The following TEF variants were observed in gnomAD, a reference collection of about 807,000 sequenced individuals.
TEF encodes thyrotroph embryonic factor.
A neutral mutation model predicts 20.8 loss-of-function variants in TEF; 3 were observed. The ratio of observed to expected loss-of-function variants is 0.14; its 90% CI spans 0.07 to 0.37. The LOEUF is 0.37. TEF is among the 10% of genes least tolerant of loss of function. TEF has a pLI of 1.00. For missense variants in TEF, 296 were observed against 397.9 expected (o/e 0.74, Z 2.18); for synonymous variants, 180 against 171.1 (o/e 1.05, Z -0.41).
chr22:41,380,060 A>G (rs1431353833), upstream of TEF, among the ~76,000 whole-genome samples: 2 of 152,086 alleles, frequency 1.3e-5, no homozygotes, highest in African/African-American at 4.8e-5. Flanking sequence ...TCCTGTCTCT[A>G]CCACCACCCA....
chr22:41,382,193 C>G lies in TEF; in HGVS notation c.149C>G (p.Ala50Gly). 1 of 1,169,644 alleles carries G rather than the reference C, an allele frequency of 8.5e-7. No individual in the cohort carries two copies. Among genetic ancestry groups the G allele is most frequent in the African/African-American group, 1.6e-5 (1 of 60,822 alleles). 72.5% of individuals were successfully genotyped at this position (1,169,644 alleles called of 1,614,324 possible). ...CTGATGGAGAACCCCCCGCGCGAGG[C>G]GCGCCTCGGTGAGGGCGGGGGGGTG... Reference protein sequence around the residue: ...KKLMENPPREARLDKEKGKEK... With the variant: ...KKLMENPPREGRLDKEKGKEK... The change falls in exon 1 of 4, where the codon GCG becomes GGG. Residue 50 changes from alanine to glycine, a missense_variant. Ala to Gly is a moderately conservative substitution (Grantham distance 60). Coordinates refer to ENST00000266304, the MANE Select transcript of TEF (RefSeq NM_003216.4).
Position 41,395,781 on chromosome 22 carries a change from G to A in TEF, c.733G>A (p.Val245Met), listed in dbSNP as rs374094544. The A allele has an allele frequency of 1.8e-5, 29 of 1,614,020 alleles. No individual in the cohort carries two copies. Among genetic ancestry groups the A allele is most frequent in the East Asian group, 6.7e-5 (3 of 44,898 alleles). Residue 245 changes from valine (V) to methionine (M), a missense_variant, in exon 4 of 4, where the codon GTG becomes ATG. Val to Met is a conservative substitution (Grantham distance 21, BLOSUM62 1). Coordinates refer to ENST00000266304, the MANE Select transcript of TEF (RefSeq NM_003216.4). ...KYWTRRKKNNVAAKRSRDARR... is the reference protein window; with the variant it reads ...KYWTRRKKNNMAAKRSRDARR... Reference sequence around the variant, plus strand: ...CTGGACAAGACGCAAGAAGAACAACGTGGCAGCTAAACGGTCACGGGATGC... The same window carrying A: ...CTGGACAAGACGCAAGAAGAACAACATGGCAGCTAAACGGTCACGGGATGC...
intron 1 of TEF, chr22:41,369,837 G>C: frequency 1.1e-6 from 1 of 939,508 alleles, no homozygotes; most frequent in Non-Finnish European, 1.3e-6. Context: ...CCTCAGGTCC[G>C]CGTGCCCTTG....
At chr22:41,376,897 A>G (rs2036949030) in intron 1 of TEF, among the ~76,000 whole-genome samples, 1 of 152,236 alleles carries the variant, frequency 6.6e-6, no homozygotes, top group Non-Finnish European at 1.5e-5. Context: ...TCGCTTGCCC[A>G]TGGCCATGTG....
At chr22:41,375,239 G>A (rs2036926545) in intron 1 of TEF, among the ~76,000 whole-genome samples, 1 of 152,144 alleles carries the variant, frequency 6.6e-6, no homozygotes, top group Non-Finnish European at 1.5e-5. Flanking sequence ...GACGAGGAGG[G>A]CAAGAATCAG....
chr22:41,383,086 G>A (rs1052553407), intron 1 of TEF: 1 of 466,764 alleles, frequency 2.1e-6, no homozygotes, highest in Non-Finnish European at 4.4e-6. Context: ...TACTTTGAGT[G>A]TGAGACCTTT....
At chr22:41,373,804 C>T (rs2036910005) in intron 1 of TEF, among the ~76,000 whole-genome samples, 1 of 146,852 alleles carries the variant, frequency 6.8e-6, no homozygotes, top group Admixed American at 7.3e-5. Context: ...GTCTCCGTCA[C>T]CCAGGCTGGA....
chr22:41,383,008 C>T (rs755109187), intron 1 of TEF: 61 of 470,884 alleles, frequency 1.3e-4, no homozygotes, highest in Non-Finnish European at 2.4e-4. Flanking sequence ...TGTTTTTCGC[C>T]CTGGGAGATG....
chr22:41,382,732 C>T (rs575282426), intron 1 of TEF, among the ~76,000 whole-genome samples: 1 of 152,076 alleles, frequency 6.6e-6, no homozygotes, highest in East Asian at 1.9e-4. Flanking sequence ...GTAGCGCCAG[C>T]TACTAGGTCC....
upstream of TEF, among the ~76,000 whole-genome samples, chr22:41,381,508 C>A (rs551442901): frequency 2.6e-4 from 39 of 152,332 alleles, no homozygotes; most frequent in African/African-American, 7.2e-4. Context: ...GCCGGCCTGG[C>A]CGCTCCGAGC....
At position 41,395,862 on chromosome 22, in the gene TEF, A is replaced by G; in HGVS notation, c.814A>G (p.Asn272Asp). The G allele has an allele frequency of 3.7e-6, 6 of 1,614,194 alleles. No individual in the cohort carries two copies. The highest frequency in any genetic ancestry group is 5.1e-6 in the Non-Finnish European group (6 of 1,180,014). ...TIRAAFLEKE[N>D]TALRTEVAEL... ...CCGGGCAGCCTTCCTGGAGAAGGAGAACACAGCCCTGCGGACGGAGGTGGC... is the reference window on the plus strand; with the variant it reads ...CCGGGCAGCCTTCCTGGAGAAGGAGGACACAGCCCTGCGGACGGAGGTGGC... Residue 272 changes from asparagine to aspartate, a missense_variant, in exon 4 of 4, where the codon AAC (asparagine) becomes GAC (aspartate). Physicochemically the swap from Asn to Asp is conservative, Grantham distance 23. Around this residue, in one of 2 missense-constraint regions of TEF, gnomAD observed 194 missense variants for 317.8 expected, o/e 0.61. Coordinates refer to ENST00000266304, the MANE Select transcript of TEF (RefSeq NM_003216.4).
At chr22:41,392,866 GTC>G (rs1246242355) in intron 2 of TEF, among the ~76,000 whole-genome samples, 1 of 151,766 alleles carries the variant, frequency 6.6e-6, no homozygotes, top group Non-Finnish European at 1.5e-5. Flanking sequence ...GTGAAACCCT[GTC>G]TCTACTAAAA....
chr22:41,367,759 G>A (rs549743981), intron 1 of TEF, among the ~76,000 whole-genome samples: 4 of 152,276 alleles, frequency 2.6e-5, no homozygotes, highest in South Asian at 2.1e-4. Context: ...AGAGGGGTTC[G>A]AGGAGGCATG....
At position 41,382,000 on chromosome 22, in the gene TEF, G is replaced by A. The variant is rs2037032300; in HGVS notation, c.-45G>A. On this transcript the variant is annotated 5_prime_UTR_variant, in exon 1 of 4. Coordinates refer to ENST00000266304, the MANE Select transcript of TEF (RefSeq NM_003216.4). ...TCGCACGGCTCCGGCCCATCTCGGGGGGCGGGCGGGGGAGGCGAGGTGCGC... is the reference window on the plus strand; with the variant it reads ...TCGCACGGCTCCGGCCCATCTCGGGAGGCGGGCGGGGGAGGCGAGGTGCGC... 6 of 1,229,664 alleles carry A rather than the reference G, an allele frequency of 4.9e-6. No individual in the cohort carries two copies. The highest frequency in any genetic ancestry group is 3.1e-4 in the Middle Eastern group (1 of 3,218). The allele number at this position is 1,229,664 out of a possible 1,614,324, so 76.2% of individuals were successfully genotyped here.
intron 2 of TEF, among the ~76,000 whole-genome samples, chr22:41,391,627 T>G (rs1235084312): frequency 6.9e-6 from 1 of 145,974 alleles, no homozygotes; most frequent in Non-Finnish European, 1.5e-5. Context: ...GCATCTGACT[T>G]TTTTTTTTTT....
rs202172381 is a variant in TEF, at chr22:41,382,482, C to G, written c.157+281C>G. On this transcript the variant is annotated intron_variant, in intron 1 of 3. Transcript: ENST00000266304. Reference sequence around the variant, plus strand: ...TCACTTAAATGACGCTCCAGGGCCCCTCCCCCGGGGCCACCTGCATCGGAG... The same window carrying G: ...TCACTTAAATGACGCTCCAGGGCCCGTCCCCCGGGGCCACCTGCATCGGAG... 3.9e-5 allele frequency among the ~76,000 whole-genome samples: 6 copies of G among 152,088 alleles called. No individual in the cohort carries two copies. In the South Asian group the frequency reaches 1.0e-3, roughly 26 times the overall value.
At chr22:41,391,824 T>A (rs2037170878) in intron 2 of TEF, among the ~76,000 whole-genome samples, 1 of 152,336 alleles carries the variant, frequency 6.6e-6, no homozygotes, top group South Asian at 2.1e-4. Flanking sequence ...GGTTTCACCA[T>A]GTTGGCCAGG....
chr22:41,385,672 C>G (rs1467592979), intron 1 of TEF, among the ~76,000 whole-genome samples: 1 of 152,104 alleles, frequency 6.6e-6, no homozygotes, highest in Admixed American at 6.6e-5. Context: ...AATCCTACAG[C>G]CTATTCTGTT....
upstream of TEF, chr22:41,381,867 A>G (rs1232794549): frequency 8.2e-7 from 1 of 1,222,710 alleles, no homozygotes; most frequent in Non-Finnish European, 1.0e-6. Context: ...TGGCCTCATG[A>G]ATAATTAATG....
Sources: gnomAD v4.1 joint callset for allele counts (sites outside exome capture counted in the v4.1 genomes callset) on GRCh38, gnomAD v4.1.1 for gene constraint, gnomAD v4.1.1 regional missense constraint, MANE v1.5 for transcripts, NCBI Gene and HGNC (gene_info 2026-07-23, HGNC 2026-07-21) for gene names.